The following FUBP1 variants were observed in gnomAD, a reference collection of about 807,000 sequenced individuals.
FUBP1 encodes the protein far upstream element-binding protein 1.
FUBP1 carries 16 observed loss-of-function variants against 94.9 expected under a neutral mutation model. That is an observed-to-expected ratio of 0.17 (90% CI 0.11 to 0.26). The LOEUF (loss-of-function observed/expected upper bound fraction) is 0.26. Ranked by LOEUF, FUBP1 falls within the 10% of genes least tolerant of loss-of-function variation. The probability of loss-of-function intolerance (pLI) is 1.00; values close to 1 mark genes in which losing one functional copy is unlikely to be tolerated. For missense variants in FUBP1, 583 were observed against 808.6 expected, an observed-to-expected ratio of 0.72 and a Z score of 3.38; for synonymous variants, 279 against 254.9, an observed-to-expected ratio of 1.09 and a Z score of -0.90.
chr1:77,954,367 A>G (rs1436573194), intron 18 of FUBP1, among the ~76,000 whole-genome samples: 1 of 152,260 alleles, frequency 6.6e-6, no homozygotes, highest in Non-Finnish European at 1.5e-5. Flanking sequence ...TCACAAAAAC[A>G]TAATCTGTTA....
chr1:77,962,511 A>C (rs923006700), intron 14 of FUBP1, among the ~76,000 whole-genome samples: 6 of 152,174 alleles, frequency 3.9e-5, no homozygotes, highest in African/African-American at 1.4e-4. Flanking sequence ...CACTAATATC[A>C]TGCCTACAGG....
intron 1 of FUBP1, among the ~76,000 whole-genome samples, chr1:77,974,551 G>A (rs945654681): frequency 3.9e-5 from 6 of 152,160 alleles, no homozygotes; most frequent in Admixed American, 3.3e-4. Context: ...TTACAGCCAT[G>A]AGCCACCTTG....
chr1:77,953,808 C>T (rs1306467795), intron 18 of FUBP1, among the ~76,000 whole-genome samples: 3 of 152,082 alleles, frequency 2.0e-5, no homozygotes, highest in African/African-American at 7.2e-5. Context: ...AAAGACTAAA[C>T]AGTAAATGTA....
intron 13 of FUBP1, 47 bp from the exon 14 acceptor site, chr1:77,962,977 T>C (rs753769772): frequency 7.3e-6 from 10 of 1,363,840 alleles, no homozygotes; most frequent in African/African-American, 1.5e-5. Flanking sequence ...AAGGGTGTAC[T>C]AGGAGCTATT....
chr1:77,972,758 T>C (rs1261869142), intron 1 of FUBP1, among the ~76,000 whole-genome samples: 1 of 147,002 alleles, frequency 6.8e-6, no homozygotes, highest in Admixed American at 6.7e-5. Context: ...CGAGACTCTG[T>C]CTCAAAAAAG....
intron 18 of FUBP1, among the ~76,000 whole-genome samples, chr1:77,954,660 C>T (rs887404884): frequency 1.3e-5 from 2 of 152,138 alleles, no homozygotes; most frequent in African/African-American, 4.8e-5. Flanking sequence ...TGAAGGATAA[C>T]CAAGCTTACC....
intron 2 of FUBP1, among the ~76,000 whole-genome samples, chr1:77,968,569 G>A (rs1296912998): frequency 1.3e-5 from 2 of 151,420 alleles, no homozygotes; most frequent in Admixed American, 6.6e-5. Flanking sequence ...GAAGACTGGG[G>A]GGAGAAAAGC....
intron 13 of FUBP1, 40 bp downstream of exon 13, chr1:77,963,534 G>A (rs746712038): frequency 8.2e-7 from 1 of 1,213,892 alleles, no homozygotes; most frequent in East Asian, 2.4e-5. Flanking sequence ...CCAGAAAAAT[G>A]AATAATGTGT....
At chr1:77,958,473 T>C (rs545958810) in intron 16 of FUBP1, among the ~76,000 whole-genome samples, 1 of 152,330 alleles carries the variant, frequency 6.6e-6, no homozygotes, top group South Asian at 2.1e-4. Context: ...AACATTTTAG[T>C]TCATATAATA....
At chr1:77,977,246 G>A (rs892917843) in intron 1 of FUBP1, among the ~76,000 whole-genome samples, 13 of 152,184 alleles carry the variant, frequency 8.5e-5, no homozygotes, top group Non-Finnish European at 1.0e-4. Context: ...AGCGGCTCAC[G>A]CCTGTAATCC....
At chr1:77,953,462 G>A (rs1653889976) in intron 18 of FUBP1, among the ~76,000 whole-genome samples, 1 of 152,190 alleles carries the variant, frequency 6.6e-6, no homozygotes, top group Non-Finnish European at 1.5e-5. Context: ...CCGCACTCCA[G>A]CCTGGGCGAG....
In FUBP1 at chr1:77,964,709, T is replaced by C. The variant is rs1189666711; in HGVS notation, c.774A>G (p.Gln258=). ...KEMVLELIRD[Q]GGFREVRNEY... is the part of the protein sequence containing the mutation. ...CATTCCGAACTTCTCTGAAACCGCC[T>C]TGATCACGAATTAACTCTAACACCA... Residue 258 remains glutamine (Q), a synonymous_variant, in exon 10 of 20, where the codon CAA becomes CAG. Transcript: ENST00000370768. The C allele has an allele frequency of 1.2e-6, 2 of 1,613,392 alleles. No homozygotes were observed. The highest frequency in any genetic ancestry group is 2.2e-5 in the South Asian group (2 of 91,062).
chr1:77,976,500 T>A (rs1658618259), intron 1 of FUBP1, among the ~76,000 whole-genome samples: 2 of 130,816 alleles, frequency 1.5e-5, no homozygotes, highest in Non-Finnish European at 3.1e-5. Context: ...TAAAATCCAA[T>A]TTTTTTTTTT....
At chr1:77,979,185 G>A, upstream of FUBP1, 1 of 616,708 alleles carries the variant, frequency 1.6e-6, no homozygotes, top group Non-Finnish European at 2.8e-6. Context: ...GCGCTGGTGT[G>A]GGTTAGGGCT....
In FUBP1 at chr1:77,960,422, C is replaced by T; in HGVS notation, c.1418G>A (p.Gly473Glu). Residue 473 changes from glycine to glutamate, a missense_variant, in exon 15 of 20, where the codon GGG (glycine) becomes GAG (glutamate). Transcript: ENST00000370768. ...CATTGGAGTTCCAGGCCCTGGAGGCCCAGGAGGTCCATGGGGGCCTGGGAC... is the reference window on the plus strand; with the variant it reads ...CATTGGAGTTCCAGGCCCTGGAGGCTCAGGAGGTCCATGGGGGCCTGGGAC... ...HGVPGPHGPP[G>E]PPGPGTPMGP... 1 of 1,594,324 alleles carries T rather than the reference C, an allele frequency of 6.3e-7. No homozygotes were observed. The highest frequency in any genetic ancestry group is 8.5e-7 in the Non-Finnish European group (1 of 1,175,458).
chr1:77,972,970 G>A (rs930997067), intron 1 of FUBP1, among the ~76,000 whole-genome samples: 2 of 150,394 alleles, frequency 1.3e-5, no homozygotes, highest in East Asian at 1.9e-4. Context: ...AGAACTGGCT[G>A]AGGCCAGGAG....
At position 77,945,238 on chromosome 1, in the gene FUBP1, C is replaced by T. The variant is rs1319587644; in HGVS notation, c.*3528G>A. ...TTATAAAAATGCAATCTACAACTAACCAAAACTCAACAGGCTCTCAAGTTT... is the reference window on the plus strand; with the variant it reads ...TTATAAAAATGCAATCTACAACTAATCAAAACTCAACAGGCTCTCAAGTTT... On this transcript the variant is annotated 3_prime_UTR_variant, in exon 20 of 20. Transcript: ENST00000370768. 1.3e-5 allele frequency among the ~76,000 whole-genome samples: 2 copies of T among 151,838 alleles called. No homozygotes were observed. Among genetic ancestry groups the T allele is most frequent in the African/African-American group, 2.4e-5 (1 of 41,388 alleles).
intron 16 of FUBP1, among the ~76,000 whole-genome samples, chr1:77,956,936 T>G (rs563963043): frequency 1.3e-5 from 2 of 152,234 alleles, no homozygotes; most frequent in African/African-American, 2.4e-5. Flanking sequence ...TAAAAACTAC[T>G]GAGTGGCATA....
Position 77,948,235 on chromosome 1 carries a change from A to G in FUBP1, c.*531T>C, listed in dbSNP as rs989987782. 3.8e-6 allele frequency: 4 copies of G among 1,054,498 alleles called. No individual in the cohort carries two copies. The highest frequency in any genetic ancestry group is 4.6e-6 in the Non-Finnish European group (4 of 872,382). The allele number at this position is 1,054,498 out of a possible 1,614,324, so 65.3% of individuals were successfully genotyped here. On this transcript the variant is annotated 3_prime_UTR_variant, in exon 20 of 20. Transcript: ENST00000370768. Reference sequence around the variant, plus strand: ...GAAAGAGCCAATACAATAAATGGAAAAGATCCTCCAATCTACCACTATACT... The same window carrying G: ...GAAAGAGCCAATACAATAAATGGAAGAGATCCTCCAATCTACCACTATACT...
Sources: gnomAD v4.1 joint callset for allele counts (sites outside exome capture counted in the v4.1 genomes callset) on GRCh38, gnomAD v4.1.1 for gene constraint, MANE v1.5 for transcripts, NCBI Gene and HGNC (gene_info 2026-07-23, HGNC 2026-07-21) for gene names.